Variants in EEFSEC observed in about 807,000 individuals in gnomAD.
EEFSEC encodes the protein selenocysteine-specific elongation factor.
In EEFSEC, 43 loss-of-function variants were observed where a neutral mutation model predicts 42.1. That is an observed-to-expected ratio of 1.02 (90% CI 0.80 to 1.32). The LOEUF (loss-of-function observed/expected upper bound fraction) is 1.32. Among genes scored for constraint, EEFSEC ranks in the 40% most tolerant of loss-of-function variants. The pLI is 0.00. For missense variants in EEFSEC, 745 were observed against 803.6 expected (o/e 0.93, Z 0.88); for synonymous variants, 354 against 339.1 (o/e 1.04, Z -0.48).
chr3:128,341,367 G>A lies in EEFSEC; in HGVS notation c.921G>A (p.Glu307=), dbSNP rs899386463. The change falls in exon 5 of 7, where the codon GAG becomes GAA. Residue 307 remains glutamate, a synonymous_variant. Transcript: ENST00000254730. The part of the protein sequence containing the change: ...LLERGLVCAP[E]SLHTVHAALI... ...AGCGCGGGTTGGTGTGTGCCCCCGA[G>A]TCCCTGCACACTGTCCATGCGGCCC... The A allele has an allele frequency of 1.9e-6, 3 of 1,614,154 alleles. No individual in the cohort carries two copies. Among genetic ancestry groups the A allele is most frequent in the Non-Finnish European group, 2.5e-6 (3 of 1,180,026 alleles).
chr3:128,372,715 C>T (rs1274161831), intron 6 of EEFSEC, among the ~76,000 whole-genome samples: 1 of 152,136 alleles, frequency 6.6e-6, no homozygotes, highest in African/African-American at 2.4e-5. Context: ...CCTTCAGCAC[C>T]CCCTGAGGTG....
At chr3:128,286,678 T>G (rs1254364466) in intron 4 of EEFSEC, among the ~76,000 whole-genome samples, 1 of 152,194 alleles carries the variant, frequency 6.6e-6, no homozygotes, top group African/African-American at 2.4e-5. Flanking sequence ...TGGAATCAGC[T>G]ACTTCTCCAA....
At chr3:128,409,943 T>C (rs1276111951), downstream of EEFSEC, among the ~76,000 whole-genome samples, 1 of 152,332 alleles carries the variant, frequency 6.6e-6, no homozygotes, top group Admixed American at 6.5e-5. Flanking sequence ...GGCAGCAGCT[T>C]TGAGCCCACA....
intron 3 of EEFSEC, among the ~76,000 whole-genome samples, chr3:128,264,212 A>G (rs544371122): frequency 6.6e-6 from 1 of 152,202 alleles, no homozygotes; most frequent in African/African-American, 2.4e-5. Flanking sequence ...GGGCTAGATG[A>G]TGAGGAGTTT....
chr3:128,395,451 T>C (rs116455231), intron 6 of EEFSEC, among the ~76,000 whole-genome samples: 2,255 of 152,332 alleles, frequency 0.015, 51 homozygotes, highest in African/African-American at 0.051. Flanking sequence ...TGCCCGGGTG[T>C]GACTGTCTGT....
rs76158404 is a variant in EEFSEC at position 128,341,826 on chromosome 3, C to T, written c.1380C>T (p.Ala460=). 68 of 1,613,980 alleles carry T rather than the reference C, an allele frequency of 4.2e-5. No homozygotes were observed. Among genetic ancestry groups the T allele is most frequent in the Non-Finnish European group, 5.2e-5 (61 of 1,180,042 alleles). The change falls in exon 5 of 7, where the codon GCC becomes GCT. Residue 460 remains alanine (A), a synonymous_variant. Coordinates refer to ENST00000254730, the MANE Select transcript of EEFSEC (RefSeq NM_021937.5). The stretch of plus-strand genomic sequence containing the variant: ...ACGGGCTAGAGGACAGGAACTACGC[C>T]GACAGCTTCCTGCCCAGGCTGAAGG... ...LLHGLEDRNY[A]DSFLPRLKVY... is the part of the protein sequence containing the mutation.
At chr3:128,344,227 C>T (rs1369599323) in intron 5 of EEFSEC, among the ~76,000 whole-genome samples, 1 of 152,280 alleles carries the variant, frequency 6.6e-6, no homozygotes, top group Non-Finnish European at 1.5e-5. Context: ...CTCCTGCCTC[C>T]CTCCACTCTG....
chr3:128,335,410 G>C (rs928467003), intron 4 of EEFSEC, among the ~76,000 whole-genome samples: 1 of 152,208 alleles, frequency 6.6e-6, no homozygotes, highest in Non-Finnish European at 1.5e-5. Context: ...CATCCAAGCA[G>C]GTATGGGAAG....
At chr3:128,245,578 C>T (rs1017726478) in intron 1 of EEFSEC, among the ~76,000 whole-genome samples, 2 of 152,108 alleles carry the variant, frequency 1.3e-5, no homozygotes, top group African/African-American at 2.4e-5. Context: ...AGAGACACAC[C>T]GTTCTGTGGG....
intron 2 of EEFSEC, among the ~76,000 whole-genome samples, chr3:128,252,401 G>A (rs962682378): frequency 7.2e-5 from 11 of 152,190 alleles, no homozygotes; most frequent in African/African-American, 2.7e-4. Context: ...GTCTCATAGC[G>A]TTTAATATGA....
At chr3:128,366,431 C>G (rs1296550185) in intron 6 of EEFSEC, among the ~76,000 whole-genome samples, 1 of 152,224 alleles carries the variant, frequency 6.6e-6, no homozygotes, top group Non-Finnish European at 1.5e-5. Context: ...CCACTCAATC[C>G]TGCCAGCAGC....
rs1208622694 is a variant in EEFSEC at position 128,153,779 on chromosome 3, T to G, written c.272T>G (p.Val91Gly). ...GAGCCACTGCTTCAGGTCACGCTGGTCGACTGCCCCGGGCACGCCTCCCTC... is the reference window on the plus strand; with the variant it reads ...GAGCCACTGCTTCAGGTCACGCTGGGCGACTGCCCCGGGCACGCCTCCCTC... Reference protein sequence around the residue: ...PGEPLLQVTLVDCPGHASLIR... With the variant: ...PGEPLLQVTLGDCPGHASLIR... Residue 91 changes from valine to glycine, a missense_variant, in exon 1 of 7, where the codon GTC becomes GGC. Coordinates refer to ENST00000254730, the MANE Select transcript of EEFSEC (RefSeq NM_021937.5). 1.3e-6 allele frequency: 2 copies of G among 1,532,092 alleles called. No homozygotes were observed. Among genetic ancestry groups the G allele is most frequent in the Non-Finnish European group, 1.7e-6 (2 of 1,146,460 alleles). The allele number at this position is 1,532,092 out of a possible 1,614,324, so 94.9% of individuals were successfully genotyped here. A position where few individuals can be genotyped will look rare whatever the true frequency, so the allele number is the denominator to read the frequency against.
intron 4 of EEFSEC, among the ~76,000 whole-genome samples, chr3:128,316,539 T>C (rs2066947565): frequency 6.6e-6 from 1 of 152,220 alleles, no homozygotes. Flanking sequence ...TTTTTGGCTA[T>C]GGGAAAGTGT....
At chr3:128,204,967 G>A (rs2999058) in intron 1 of EEFSEC, among the ~76,000 whole-genome samples, 19,791 of 152,194 alleles carry the variant, frequency 0.13, 1,527 homozygotes, top group Admixed American at 0.2. Context: ...TGCGTGACGG[G>A]CTTCCCTAGA....
At chr3:128,311,382 T>C (rs545156585) in intron 4 of EEFSEC, among the ~76,000 whole-genome samples, 3 of 152,372 alleles carry the variant, frequency 2.0e-5, no homozygotes, top group East Asian at 3.9e-4. Context: ...ACATGTTAAA[T>C]GTTTGGAAAC....
intron 6 of EEFSEC, chr3:128,367,765 C>G (rs1274198347): frequency 1.0e-6 from 1 of 985,452 alleles, no homozygotes; most frequent in Non-Finnish European, 1.2e-6. Flanking sequence ...GGCCATATCA[C>G]TGGCTCCATC....
chr3:128,180,751 A>T (rs2065397311), intron 1 of EEFSEC, among the ~76,000 whole-genome samples: 1 of 152,208 alleles, frequency 6.6e-6, no homozygotes, highest in Non-Finnish European at 1.5e-5. Flanking sequence ...AGAACCTGCG[A>T]GCTAGTGTGC....
chr3:128,316,437 C>G (rs1364476984), intron 4 of EEFSEC, among the ~76,000 whole-genome samples: 1 of 152,234 alleles, frequency 6.6e-6, no homozygotes, highest in Non-Finnish European at 1.5e-5. Flanking sequence ...CGCTCTCCCC[C>G]TCTCTTCACT....
intron 2 of EEFSEC, among the ~76,000 whole-genome samples, chr3:128,254,701 T>A (rs563769009): frequency 6.6e-6 from 1 of 152,124 alleles, no homozygotes; most frequent in African/African-American, 2.4e-5. Flanking sequence ...GTGGGGAGAC[T>A]GGAGCAGATC....
Sources: gnomAD v4.1 joint callset for allele counts (sites outside exome capture counted in the v4.1 genomes callset) on GRCh38, gnomAD v4.1.1 for gene constraint, MANE v1.5 for transcripts, NCBI Gene and HGNC (gene_info 2026-07-23, HGNC 2026-07-21) for gene names.